The following TRMT9B variants were observed in gnomAD, a reference collection of about 807,000 sequenced individuals.
The protein encoded by TRMT9B is tRNA methyltransferase 9B (putative), also known as probable tRNA methyltransferase 9B.
TRMT9B carries 16 observed loss-of-function variants against 11.5 expected under a neutral mutation model. That is an observed-to-expected ratio of 1.39 (90% CI 0.94 to 2.11). The LOEUF (loss-of-function observed/expected upper bound fraction) is 2.11. Ranked by LOEUF, TRMT9B falls within the 30% of genes most tolerant of loss-of-function variation. The pLI is 0.00. For missense variants in TRMT9B, 941 were observed against 553.8 expected, an observed-to-expected ratio of 1.70 and a Z score of -7.02; for synonymous variants, 274 against 192.4, an observed-to-expected ratio of 1.42 and a Z score of -3.51.
chr8:12,979,865 G>C (rs1243201162), intron 1 of TRMT9B, among the ~76,000 whole-genome samples: 5 of 152,176 alleles, frequency 3.3e-5, no homozygotes, highest in African/African-American at 9.7e-5. Flanking sequence ...ATACAGTAGG[G>C]ACTGTACAGA....
chr8:12,995,781 A>C (rs1157390098), intron 2 of TRMT9B, among the ~76,000 whole-genome samples: 2 of 152,172 alleles, frequency 1.3e-5, no homozygotes, highest in Admixed American at 1.3e-4. Context: ...TTGTTGTCTT[A>C]GGTTCTAAGG....
chr8:13,006,624 G>C, intron 3 of TRMT9B: 2 of 1,376,372 alleles, frequency 1.5e-6, no homozygotes, highest in Non-Finnish European at 9.4e-7. Flanking sequence ...AGAAACTCGA[G>C]ACAGTCAAGT....
intron 1 of TRMT9B, among the ~76,000 whole-genome samples, chr8:12,981,030 C>G (rs1585188050): frequency 6.6e-6 from 1 of 151,800 alleles, no homozygotes; most frequent in Non-Finnish European, 1.5e-5. Flanking sequence ...GAATATAAAT[C>G]CACGAAGTCA....
rs866818582 is a variant in TRMT9B at position 13,010,980 on chromosome 8, T to C, written c.155-1704T>C. ...TTACGTAGAAATAATAATCCTGGAA[T>C]TGTTTTCTTTTTCTTTTTTGAGACA... On this transcript the variant is annotated intron_variant, in intron 3 of 4. Coordinates refer to ENST00000524591, the MANE Select transcript of TRMT9B (RefSeq NM_020844.3). 6 of 901,442 alleles carry C rather than the reference T, an allele frequency of 6.7e-6. No homozygotes were observed. The South Asian group carries it at 3.1e-4, about 47-fold the overall frequency. 55.8% of individuals were successfully genotyped at this position (901,442 alleles called of 1,614,324 possible).
chr8:12,988,408 T>C (rs1218564650), intron 1 of TRMT9B, among the ~76,000 whole-genome samples: 1 of 152,236 alleles, frequency 6.6e-6, no homozygotes, highest in African/African-American at 2.4e-5. Context: ...TATGAATATA[T>C]GATTACAGTA....
At chr8:12,968,201 G>A (rs748249032) in intron 1 of TRMT9B, among the ~76,000 whole-genome samples, 1 of 152,194 alleles carries the variant, frequency 6.6e-6, no homozygotes, top group African/African-American at 2.4e-5. Context: ...TATTTTAAAT[G>A]AAATACTGTT....
At chr8:12,960,996 C>G (rs553151406) in intron 1 of TRMT9B, among the ~76,000 whole-genome samples, 23 of 152,064 alleles carry the variant, frequency 1.5e-4, no homozygotes, top group Non-Finnish European at 2.2e-4. Flanking sequence ...CAAAAATTAG[C>G]TGGGCGTGAT....
At chr8:13,014,675 C>G (rs1003226138) in intron 4 of TRMT9B, among the ~76,000 whole-genome samples, 3 of 152,138 alleles carry the variant, frequency 2.0e-5, no homozygotes, top group South Asian at 2.1e-4. Flanking sequence ...CGGAGAAAAC[C>G]TTTTTGAATT....
chr8:13,014,224 T>C (rs927870032), intron 4 of TRMT9B, among the ~76,000 whole-genome samples: 8 of 152,354 alleles, frequency 5.3e-5, no homozygotes, highest in South Asian at 2.1e-4. Context: ...TCATTTGCAG[T>C]TGAAACTGTT....
intron 1 of TRMT9B, among the ~76,000 whole-genome samples, chr8:12,984,520 C>G (rs1213492704): frequency 6.6e-6 from 1 of 152,174 alleles, no homozygotes; most frequent in Non-Finnish European, 1.5e-5. Context: ...TACTTGTCCT[C>G]CATCCTGCCT....
rs1814609309 is a variant in TRMT9B, at chr8:13,025,687, C to G, written c.*3643C>G. 1 of 167,008 alleles carries G rather than the reference C, an allele frequency of 6.0e-6. No homozygotes were observed. Among genetic ancestry groups the G allele is most frequent in the Non-Finnish European group, 1.5e-5 (1 of 68,108 alleles). 10.3% of individuals were successfully genotyped at this position (167,008 alleles called of 1,614,324 possible). Reference sequence around the variant, plus strand: ...CACCTATTTAAATTTTTTCCAATTGCCAGTATAGTGATGATATGACACCAG... The same window carrying G: ...CACCTATTTAAATTTTTTCCAATTGGCAGTATAGTGATGATATGACACCAG... On this transcript the variant is annotated 3_prime_UTR_variant, in exon 5 of 5. Transcript: ENST00000524591.
At chr8:12,972,985 C>A (rs183883565) in intron 1 of TRMT9B, among the ~76,000 whole-genome samples, 5 of 152,296 alleles carry the variant, frequency 3.3e-5, no homozygotes, top group Non-Finnish European at 7.4e-5. Flanking sequence ...CACTAAGCCC[C>A]TTTTACCCTG....
intron 1 of TRMT9B, among the ~76,000 whole-genome samples, chr8:12,966,335 G>C (rs1321769968): frequency 6.6e-6 from 1 of 152,150 alleles, no homozygotes; most frequent in East Asian, 1.9e-4. Context: ...GTGCCATTTA[G>C]TGTGGATGCA....
intron 1 of TRMT9B, among the ~76,000 whole-genome samples, chr8:12,963,457 A>T (rs1221232841): frequency 2.0e-5 from 3 of 151,866 alleles, no homozygotes; most frequent in Non-Finnish European, 4.4e-5. Flanking sequence ...ACAGAAAAAC[A>T]CATGTATACT....
chr8:13,023,984 A>G lies in TRMT9B; in HGVS notation c.*1940A>G, dbSNP rs540155730. On this transcript the variant is annotated 3_prime_UTR_variant, in exon 5 of 5. Transcript: ENST00000524591. The stretch of plus-strand genomic sequence containing the variant: ...AGTGTACATCCTGCAGTAGTGGATG[A>G]TTGAAAACATATATAAGTGGAGTAT... 1 of 164,670 alleles carries G rather than the reference A, an allele frequency of 6.1e-6. No individual in the cohort carries two copies. Among genetic ancestry groups the G allele is most frequent in the African/African-American group, 2.4e-5 (1 of 41,018 alleles). 10.2% of individuals were successfully genotyped at this position (164,670 alleles called of 1,614,324 possible). A position where few individuals can be genotyped will look rare whatever the true frequency, so the allele number is the denominator to read the frequency against.
intron 1 of TRMT9B, among the ~76,000 whole-genome samples, chr8:12,960,825 G>C (rs1028832765): frequency 2.0e-5 from 3 of 152,096 alleles, no homozygotes; most frequent in African/African-American, 7.2e-5. Context: ...GAGAAGAATA[G>C]GTTAAACACC....
chr8:13,021,794 C>T lies in TRMT9B; in HGVS notation c.1115C>T (p.Ala372Val). The T allele has an allele frequency of 1.9e-6, 3 of 1,613,722 alleles. No individual in the cohort carries two copies. The highest frequency in any genetic ancestry group is 2.5e-6 in the Non-Finnish European group (3 of 1,179,734). ...AACATAGAAGATGATAATCCTTCTG[C>T]TAGTAAAATATTGAGAAGGATTTCT... ...AGNIEDDNPS[A>V]SKILRRISAV... The change falls in exon 5 of 5, where the codon GCT (alanine) becomes GTT (valine). Residue 372 changes from alanine (A) to valine (V), a missense_variant. Physicochemically the swap from Ala to Val is moderately conservative, Grantham distance 64 (BLOSUM62 0). Transcript: ENST00000524591.
chr8:12,979,642 T>C (rs141866295), intron 1 of TRMT9B, among the ~76,000 whole-genome samples: 28 of 152,298 alleles, frequency 1.8e-4, no homozygotes, highest in Middle Eastern at 6.8e-3. Flanking sequence ...TTCCTGCAAC[T>C]ACAGGTGATT....
chr8:12,953,170 T>C (rs777099223), intron 1 of TRMT9B, among the ~76,000 whole-genome samples: 9 of 152,212 alleles, frequency 5.9e-5, no homozygotes, highest in Non-Finnish European at 1.0e-4. Flanking sequence ...AATTTAAATG[T>C]ACATTGAAAA....
Sources: gnomAD v4.1 joint callset for allele counts (sites outside exome capture counted in the v4.1 genomes callset) on GRCh38, gnomAD v4.1.1 for gene constraint, MANE v1.5 for transcripts, NCBI Gene and HGNC (gene_info 2026-07-23, HGNC 2026-07-21) for gene names.